The following PRRX1 variants were observed in gnomAD, a reference collection of about 807,000 sequenced individuals.
PRRX1 encodes the protein paired mesoderm homeobox protein 1.
A neutral mutation model predicts 24.0 loss-of-function variants in PRRX1; 8 were observed. That is an observed-to-expected ratio of 0.33 (90% CI 0.20 to 0.60). The LOEUF (loss-of-function observed/expected upper bound fraction) is 0.60. Ranked by LOEUF, PRRX1 falls within the 20% of genes least tolerant of loss-of-function variation. The probability of loss-of-function intolerance (pLI) is 0.82; values close to 1 mark genes in which losing one functional copy is unlikely to be tolerated. For missense variants in PRRX1, 281 were observed against 322.4 expected, an observed-to-expected ratio of 0.87 and a Z score of 0.98; for synonymous variants, 160 against 131.7, an observed-to-expected ratio of 1.22 and a Z score of -1.47.
chr1:170,730,565 T>C, intron 3 of PRRX1: 1 of 531,178 alleles, frequency 1.9e-6, no homozygotes, highest in South Asian at 2.4e-5. Flanking sequence ...GAGATTGCTG[T>C]GCACAGGAAA....
chr1:170,699,776 C>T (rs1654294907), intron 1 of PRRX1, among the ~76,000 whole-genome samples: 2 of 152,026 alleles, frequency 1.3e-5, no homozygotes, highest in Non-Finnish European at 2.9e-5. Context: ...CGCTCTGTCA[C>T]CTAGGCTGGA....
chr1:170,718,661 A>G (rs914883622), intron 1 of PRRX1, among the ~76,000 whole-genome samples: 1 of 152,198 alleles, frequency 6.6e-6, no homozygotes, highest in Non-Finnish European at 1.5e-5. Context: ...TAGATGGAGC[A>G]TGTGACTTGG....
intron 1 of PRRX1, among the ~76,000 whole-genome samples, chr1:170,707,292 G>A (rs2101908726): frequency 6.6e-6 from 1 of 152,120 alleles, no homozygotes; most frequent in East Asian, 1.9e-4. Flanking sequence ...CAACTAAAAA[G>A]CCCTAGTATG....
chr1:170,690,289 T>C (rs900714505), intron 1 of PRRX1, among the ~76,000 whole-genome samples: 5 of 152,182 alleles, frequency 3.3e-5, no homozygotes, highest in African/African-American at 1.2e-4. Context: ...TTATGGCTTC[T>C]GCGATGGAGT....
intron 1 of PRRX1, among the ~76,000 whole-genome samples, chr1:170,693,104 G>A (rs1222345637): frequency 2.0e-5 from 3 of 152,054 alleles, no homozygotes; most frequent in African/African-American, 7.2e-5. Context: ...CTGGGAGACT[G>A]CAATGTGTGC....
rs941508761 is a variant in PRRX1, at chr1:170,739,394, G to A, written c.*3208G>A. On this transcript the variant is annotated 3_prime_UTR_variant, in exon 4 of 4. Transcript: ENST00000239461. Reference sequence around the variant, plus strand: ...TTTCTTTTCAATAAAAAGAAAGAAGGACTCTACCATGTCTTTTGTTATATA... The same window carrying A: ...TTTCTTTTCAATAAAAAGAAAGAAGAACTCTACCATGTCTTTTGTTATATA... 28 of 175,008 alleles carry A rather than the reference G, an allele frequency of 1.6e-4. No homozygotes were observed. Among genetic ancestry groups the A allele is most frequent in the African/African-American group, 6.6e-4 (28 of 42,154 alleles). 10.8% of individuals were successfully genotyped at this position (175,008 alleles called of 1,614,324 possible).
intron 1 of PRRX1, among the ~76,000 whole-genome samples, chr1:170,680,262 G>A (rs1321643083): frequency 6.6e-6 from 1 of 152,068 alleles, no homozygotes; most frequent in Non-Finnish European, 1.5e-5. Flanking sequence ...ATAGACCAAT[G>A]AATGAATTAA....
At chr1:170,707,332 G>T (rs952119806) in intron 1 of PRRX1, among the ~76,000 whole-genome samples, 1 of 152,014 alleles carries the variant, frequency 6.6e-6, no homozygotes, top group Non-Finnish European at 1.5e-5. Flanking sequence ...AAGTGAAGGA[G>T]CCCAGCAGGG....
intron 2 of PRRX1, 88 bp downstream of exon 2, chr1:170,719,989 C>T: frequency 6.6e-7 from 1 of 1,514,456 alleles, no homozygotes; most frequent in African/African-American, 1.4e-5. Flanking sequence ...AAATTATAGC[C>T]CAGCACAGTG....
At position 170,664,197 on chromosome 1, in the gene PRRX1, G is replaced by A. The variant is rs368044377; in HGVS notation, c.-22G>A. ...TGATTCGAGCGGGAAGAGGGGGGTGGGTGGGATCGGTGGGGGAGACCATGA... is the reference window on the plus strand; with the variant it reads ...TGATTCGAGCGGGAAGAGGGGGGTGAGTGGGATCGGTGGGGGAGACCATGA... On this transcript the variant is annotated 5_prime_UTR_variant, in exon 1 of 4. Transcript: ENST00000239461. The A allele has an allele frequency of 2.5e-6, 4 of 1,601,964 alleles. No individual in the cohort carries two copies. In the African/African-American group the frequency reaches 5.4e-5, roughly 21 times the overall value.
At chr1:170,734,344 A>G (rs1337365254) in intron 3 of PRRX1, among the ~76,000 whole-genome samples, 3 of 151,792 alleles carry the variant, frequency 2.0e-5, no homozygotes, top group Admixed American at 6.6e-5. Flanking sequence ...CTGTCTATTC[A>G]TTGAACACAT....
At chr1:170,689,707 C>G (rs987599620) in intron 1 of PRRX1, among the ~76,000 whole-genome samples, 5 of 151,934 alleles carry the variant, frequency 3.3e-5, no homozygotes, top group Admixed American at 1.3e-4. Context: ...TGCTTTTGGG[C>G]ACCAGGTGGC....
intron 1 of PRRX1, among the ~76,000 whole-genome samples, chr1:170,665,685 AGGGTCCGGGCACAGTGGTGGCCCCGCG>A (rs1304647543): frequency 2.6e-5 from 4 of 152,262 alleles, no homozygotes; most frequent in Non-Finnish European, 5.9e-5. Flanking sequence ...AATTGGAAAC[AGGGTCCGGGCACAGTGGTGGCCCCGCG>A]GGCCACGCTA....
intron 1 of PRRX1, among the ~76,000 whole-genome samples, chr1:170,687,994 A>G (rs1653804365): frequency 6.6e-6 from 1 of 152,196 alleles, no homozygotes; most frequent in Non-Finnish European, 1.5e-5. Context: ...AGAAATAGCT[A>G]ATCATCAAGA....
upstream of PRRX1, chr1:170,663,981 T>G (rs1322452538): frequency 6.0e-5 from 31 of 518,074 alleles, no homozygotes; most frequent in East Asian, 7.3e-4. Flanking sequence ...CAACCAATGC[T>G]GCGGAAGGCG....
rs566778671 is a variant in PRRX1, at chr1:170,707,893, G to A, written c.242-11833G>A. ...AGGGAAAACCTGAAAAAAGACCCAA[G>A]GTTATATGAGGAAATATATCTGTAA... On this transcript the variant is annotated intron_variant, in intron 1 of 3. Transcript: ENST00000239461. Among the ~76,000 whole-genome samples, 4 of 152,214 alleles carry A rather than the reference G, an allele frequency of 2.6e-5. No homozygotes were observed. The East Asian group carries it at 7.7e-4, about 29-fold the overall frequency.
intron 3 of PRRX1, among the ~76,000 whole-genome samples, chr1:170,735,215 A>T (rs1558065554): frequency 6.6e-6 from 1 of 152,204 alleles, no homozygotes; most frequent in East Asian, 1.9e-4. Flanking sequence ...ATTTCTGCCT[A>T]GTGGTGTTCT....
chr1:170,712,614 G>A (rs1340764465), intron 1 of PRRX1, among the ~76,000 whole-genome samples: 1 of 152,118 alleles, frequency 6.6e-6, no homozygotes, highest in African/African-American at 2.4e-5. Flanking sequence ...TCCACCTCTT[G>A]TCAAATGCCT....
chr1:170,670,592 C>T lies in PRRX1; in HGVS notation c.241+6133C>T, dbSNP rs376582706. Among the ~76,000 whole-genome samples the T allele has an allele frequency of 2.7e-3, 411 of 152,114 alleles. 1 individual carries two copies. Among genetic ancestry groups the T allele is most frequent in the African/African-American group, 9.4e-3 (389 of 41,488 alleles). On this transcript the variant is annotated intron_variant, in intron 1 of 3. Transcript: ENST00000239461. Reference sequence around the variant, plus strand: ...CATTTTTCTAATTTAATGCGGCAGCCTCAGGGAAGTACTCATCCAGACAAT... The same window carrying T: ...CATTTTTCTAATTTAATGCGGCAGCTTCAGGGAAGTACTCATCCAGACAAT...
Sources: gnomAD v4.1 joint callset for allele counts (sites outside exome capture counted in the v4.1 genomes callset) on GRCh38, gnomAD v4.1.1 for gene constraint, MANE v1.5 for transcripts, NCBI Gene and HGNC (gene_info 2026-07-23, HGNC 2026-07-21) for gene names.